The following RNF214 variants were observed in gnomAD, a reference collection of about 807,000 sequenced individuals.
RNF214 encodes ring finger protein 214.
A neutral mutation model predicts 75.9 loss-of-function variants in RNF214; 25 were observed. The observed-to-expected ratio is 0.33, with a 90% CI of 0.24 to 0.46. The LOEUF (loss-of-function observed/expected upper bound fraction) is 0.46. Ranked by LOEUF, RNF214 falls within the 20% of genes least tolerant of loss-of-function variation. The pLI is 1.00. For synonymous variants in RNF214, 314 were observed against 308.8 expected (o/e 1.02, Z -0.18); for missense variants, 725 against 857.5 (o/e 0.85, Z 1.93).
chr11:117,276,771 G>A lies in RNF214; in HGVS notation c.960-3137G>A, dbSNP rs376991337. 4.7e-4 allele frequency among the ~76,000 whole-genome samples: 72 copies of A among 152,280 alleles called. No individual in the cohort carries two copies. The East Asian group carries it at 0.013, about 28-fold the overall frequency. ...ACATAAGAGGATTTTTCTAATATAA[G>A]TTTATATTTGTAGTTGACAATGTGT... On this transcript the variant is annotated intron_variant, in intron 6 of 14. Transcript: ENST00000300650.
chr11:117,278,071 G>A lies in RNF214; in HGVS notation c.960-1837G>A, dbSNP rs1398843868. On this transcript the variant is annotated intron_variant, in intron 6 of 14. Coordinates refer to ENST00000300650, the MANE Select transcript of RNF214 (RefSeq NM_207343.4). Reference sequence around the variant, plus strand: ...TGTAATCCCAGCACTTTGGGAGGCCGAGGCGGGTGGATCACGAGGTCAGGA... The same window carrying A: ...TGTAATCCCAGCACTTTGGGAGGCCAAGGCGGGTGGATCACGAGGTCAGGA... Among the ~76,000 whole-genome samples, 4 of 152,190 alleles carry A rather than the reference G, an allele frequency of 2.6e-5. No individual in the cohort carries two copies. In the East Asian group the frequency reaches 5.8e-4, roughly 22 times the overall value.
At position 117,281,352 on chromosome 11, in the gene RNF214, A is replaced by G; in HGVS notation, c.1184A>G (p.Gln395Arg). The G allele has an allele frequency of 6.2e-7, 1 of 1,613,758 alleles. No individual in the cohort carries two copies. The highest frequency in any genetic ancestry group is 8.5e-7 in the Non-Finnish European group (1 of 1,179,802). Residue 395 changes from glutamine to arginine, a missense_variant, in exon 9 of 15, where the codon CAG (glutamine) becomes CGG (arginine). Physicochemically the swap from Gln to Arg is conservative, Grantham distance 43 (BLOSUM62 1). Around this residue, in one of 2 missense-constraint regions of RNF214, gnomAD observed 363 missense variants for 513.0 expected, o/e 0.71. Coordinates refer to ENST00000300650, the MANE Select transcript of RNF214 (RefSeq NM_207343.4). ...PPTLETVRSK[Q>R]EWETRLNGVR... is the part of the protein sequence containing the mutation. ...ACACTGGAGACAGTTCGTTCCAAACAGGAGTGGGAGACGAGACTGAATGGA... is the reference window on the plus strand; with the variant it reads ...ACACTGGAGACAGTTCGTTCCAAACGGGAGTGGGAGACGAGACTGAATGGA...
At chr11:117,244,200 C>T (rs901777631) in intron 4 of RNF214, among the ~76,000 whole-genome samples, 11 of 152,162 alleles carry the variant, frequency 7.2e-5, no homozygotes, top group East Asian at 3.9e-4. Flanking sequence ...AAGCTGGTCT[C>T]GAATCCCTGA....
rs1312164962 is a variant in RNF214 at position 117,281,587 on chromosome 11, T to C, written c.1237-13T>C. ...GTCAGTTCAGCAGTAAAAATAATCC[T>C]TTTTTTTTTTAGGACCAATTTAATA... On this transcript the variant is annotated splice_polypyrimidine_tract_variant and intron_variant, in intron 9 of 14. Coordinates refer to ENST00000300650, the MANE Select transcript of RNF214 (RefSeq NM_207343.4). 3 of 584,624 alleles carry C rather than the reference T, an allele frequency of 5.1e-6. No individual in the cohort carries two copies. The South Asian group carries it at 1.1e-4, about 22-fold the overall frequency. 36.2% of individuals were successfully genotyped at this position (584,624 alleles called of 1,614,324 possible). A position where few individuals can be genotyped will look rare whatever the true frequency, so the allele number is the denominator to read the frequency against.
At chr11:117,240,423 C>A (rs2033043539) in intron 4 of RNF214, among the ~76,000 whole-genome samples, 1 of 150,192 alleles carries the variant, frequency 6.7e-6, no homozygotes, top group South Asian at 2.1e-4. Flanking sequence ...CACAGTGGCT[C>A]ACGCCTGTAA....
At chr11:117,264,798 T>A (rs964357285) in intron 6 of RNF214, among the ~76,000 whole-genome samples, 2 of 152,120 alleles carry the variant, frequency 1.3e-5, no homozygotes, top group Admixed American at 1.3e-4. Context: ...CTTAGGTGAT[T>A]CATGACTGTA....
At chr11:117,248,601 G>A (rs2033291222) in intron 6 of RNF214, among the ~76,000 whole-genome samples, 1 of 152,152 alleles carries the variant, frequency 6.6e-6, no homozygotes, top group South Asian at 2.1e-4. Context: ...TTTGAGAGAG[G>A]GCTTGTAGAC....
In RNF214 at chr11:117,234,177, C is replaced by G. The variant is rs922717794; in HGVS notation, c.-6-90C>G. On this transcript the variant is annotated intron_variant, in intron 1 of 14. Coordinates refer to ENST00000300650, the MANE Select transcript of RNF214 (RefSeq NM_207343.4). Reference sequence around the variant, plus strand: ...TTTTTGTGTTTCTTTACTGCGACAGCTCTGTTGTGTGGACATTCTGAGGGG... The same window carrying G: ...TTTTTGTGTTTCTTTACTGCGACAGGTCTGTTGTGTGGACATTCTGAGGGG... 5.4e-6 allele frequency: 5 copies of G among 923,176 alleles called. No individual in the cohort carries two copies. The African/African-American group carries it at 8.2e-5, about 15-fold the overall frequency. The allele number at this position is 923,176 out of a possible 1,614,324, so 57.2% of individuals were successfully genotyped here.
intron 6 of RNF214, among the ~76,000 whole-genome samples, chr11:117,271,245 GT>G (rs1437127763): frequency 6.6e-6 from 1 of 152,082 alleles, no homozygotes; most frequent in Non-Finnish European, 1.5e-5. Flanking sequence ...ATCGTTTTCT[GT>G]ACCCTAACAA....
At chr11:117,238,499 T>C (rs924044572) in intron 2 of RNF214, 102 bp from the exon 3 acceptor site, 6 of 999,258 alleles carry the variant, frequency 6.0e-6, no homozygotes, top group Admixed American at 4.7e-5. Context: ...CTAAGTTCTT[T>C]CATTATGATA....
intron 6 of RNF214, among the ~76,000 whole-genome samples, chr11:117,249,320 A>G (rs1457528723): frequency 6.6e-6 from 1 of 152,118 alleles, no homozygotes; most frequent in Middle Eastern, 3.4e-3. Context: ...TTTCCATCTG[A>G]TTGAATTGCT....
intron 2 of RNF214, among the ~76,000 whole-genome samples, chr11:117,234,663 T>A (rs2032850988): frequency 6.6e-6 from 1 of 152,268 alleles, no homozygotes; most frequent in Non-Finnish European, 1.5e-5. Context: ...GTATGTTCAT[T>A]TAACCATATG....
At chr11:117,264,584 G>A (rs1446714959) in intron 6 of RNF214, among the ~76,000 whole-genome samples, 1 of 152,068 alleles carries the variant, frequency 6.6e-6, no homozygotes, top group Non-Finnish European at 1.5e-5. Context: ...CCCCAACATT[G>A]ATAAGTTGGC....
chr11:117,243,324 T>G (rs1014310546), intron 4 of RNF214, among the ~76,000 whole-genome samples: 1 of 152,144 alleles, frequency 6.6e-6, no homozygotes, highest in Non-Finnish European at 1.5e-5. Context: ...TTTTGTATTT[T>G]TAGTAGAGAT....
rs757322615 is a variant in RNF214 at position 117,241,179 on chromosome 11, AAAAC to A, written c.678+1330_678+1333del. Reference sequence around the variant, plus strand: ...TGGGTGACAGAGTGAGACTCTCTCAAAAACAAACAAACAACAACAAAAAAACAAA... The same window carrying A: ...TGGGTGACAGAGTGAGACTCTCTCAAAAACAAACAACAACAAAAAAACAAA... On this transcript the variant is annotated intron_variant, in intron 4 of 14. Coordinates refer to ENST00000300650, the MANE Select transcript of RNF214 (RefSeq NM_207343.4). Among the ~76,000 whole-genome samples the A allele has an allele frequency of 9.2e-5, 14 of 151,566 alleles. No individual in the cohort carries two copies. The East Asian group carries it at 1.2e-3, about 13-fold the overall frequency.
intron 6 of RNF214, among the ~76,000 whole-genome samples, chr11:117,247,996 A>T (rs7928525): frequency 0.23 from 35,441 of 152,142 alleles, 4,567 homozygotes; most frequent in African/African-American, 0.34. Context: ...AATTATTTAG[A>T]GGATTTGTGT....
intron 2 of RNF214, among the ~76,000 whole-genome samples, chr11:117,236,584 T>C (rs2032918652): frequency 6.6e-6 from 1 of 152,208 alleles, no homozygotes; most frequent in Admixed American, 6.5e-5. Context: ...CCCTCAACTC[T>C]TTTCCAGTGT....
chr11:117,243,438 G>A (rs2033133408), intron 4 of RNF214, among the ~76,000 whole-genome samples: 2 of 151,994 alleles, frequency 1.3e-5, no homozygotes, highest in East Asian at 1.9e-4. Context: ...GAGCCACTGC[G>A]CCCAGCCTTG....
chr11:117,274,356 C>CTTTTTTTTTTTTTTTTTTTT (rs11461326), intron 6 of RNF214, among the ~76,000 whole-genome samples: 1 of 79,476 alleles, frequency 1.3e-5, no homozygotes, highest in Non-Finnish European at 2.2e-5. Context: ...CAAATGACTT[C>CTTTTTTTTTTTTTTTTTTTT]TTTTTTTTTT....
Sources: allele counts gnomAD v4.1 joint callset (sites outside exome capture counted in the v4.1 genomes callset), GRCh38; gene constraint gnomAD v4.1.1; regional missense constraint gnomAD v4.1.1; transcripts MANE v1.5; gene names NCBI Gene and HGNC (gene_info 2026-07-23, HGNC 2026-07-21).